PDE4D: variants seen among roughly 807,000 people sequenced by gnomAD.
The protein encoded by PDE4D is phosphodiesterase 4D.
A neutral mutation model predicts 87.4 loss-of-function variants in PDE4D; 24 were observed. The ratio of observed to expected loss-of-function variants is 0.27; its 90% CI spans 0.20 to 0.39. PDE4D has a LOEUF of 0.39. PDE4D is among the 10% of genes least tolerant of loss of function. The pLI is 1.00. For synonymous variants in PDE4D, 384 were observed against 383.2 expected, an observed-to-expected ratio of 1.00 and a Z score of -0.02; for missense variants, 714 against 1,041.0, an observed-to-expected ratio of 0.69 and a Z score of 4.32.
intron 1 of PDE4D, among the ~76,000 whole-genome samples, chr5:59,418,211 A>G (rs553899212): frequency 6.6e-6 from 1 of 152,244 alleles, no homozygotes; most frequent in East Asian, 1.9e-4. Context: ...AAAATCTTTA[A>G]TAGCTCACCT....
At chr5:59,156,331 A>ATATATATATATATATATATG (rs1384479557) in intron 5 of PDE4D, among the ~76,000 whole-genome samples, 7 of 122,762 alleles carry the variant, frequency 5.7e-5, no homozygotes, top group Admixed American at 1.7e-4. Flanking sequence ...ATATATATAT[A>ATATATATATATATATATATG]TGTGTGTGTG....
At chr5:60,413,780 T>C (rs918603398) in intron 1 of PDE4D, among the ~76,000 whole-genome samples, 3 of 151,130 alleles carry the variant, frequency 2.0e-5, no homozygotes, top group Middle Eastern at 3.4e-3. Context: ...TTGACTTACA[T>C]TGGGTTGTTT....
chr5:60,083,228 G>A (rs1228751816), intron 2 of PDE4D, among the ~76,000 whole-genome samples: 2 of 152,120 alleles, frequency 1.3e-5, no homozygotes, highest in Non-Finnish European at 2.9e-5. Context: ...ATGAACTCAG[G>A]ACCTTTTAGT....
intron 1 of PDE4D, among the ~76,000 whole-genome samples, chr5:59,226,287 T>C (rs1753766466): frequency 6.6e-6 from 1 of 152,188 alleles, no homozygotes; most frequent in African/African-American, 2.4e-5. Flanking sequence ...AAATGTGGTA[T>C]ATACATACAA....
chr5:60,317,454 AT>A, intron 1 of PDE4D, among the ~76,000 whole-genome samples: 1 of 152,090 alleles, frequency 6.6e-6, no homozygotes, highest in Middle Eastern at 3.4e-3. Context: ...GGATTCATTG[AT>A]TTTTTGAAGG....
intron 1 of PDE4D, among the ~76,000 whole-genome samples, chr5:60,321,777 C>T (rs375442389): frequency 1.3e-5 from 2 of 152,126 alleles, no homozygotes; most frequent in East Asian, 1.9e-4. Flanking sequence ...ACACAACCAA[C>T]AAATATGTAA....
At chr5:59,681,065 T>A (rs968125634) in intron 1 of PDE4D, among the ~76,000 whole-genome samples, 5 of 152,110 alleles carry the variant, frequency 3.3e-5, no homozygotes, top group African/African-American at 1.2e-4. Context: ...TCTCCAAATT[T>A]TGATTTCTAA....
intron 1 of PDE4D, among the ~76,000 whole-genome samples, chr5:59,700,407 A>G (rs1258595491): frequency 6.6e-6 from 1 of 152,212 alleles, no homozygotes; most frequent in Non-Finnish European, 1.5e-5. Flanking sequence ...CTTTTATTAC[A>G]ATCAAAATGG....
chr5:60,412,066 T>C (rs1342450391), intron 1 of PDE4D, among the ~76,000 whole-genome samples: 2 of 152,214 alleles, frequency 1.3e-5, no homozygotes, highest in African/African-American at 4.8e-5. Context: ...GTGAAGGAGC[T>C]GTTGGCTTGT....
chr5:59,956,964 T>C (rs1461056710), intron 3 of PDE4D, among the ~76,000 whole-genome samples: 3 of 152,168 alleles, frequency 2.0e-5, no homozygotes, highest in African/African-American at 7.2e-5. Context: ...GCAATAACAT[T>C]TACATAACAT....
intron 1 of PDE4D, among the ~76,000 whole-genome samples, chr5:59,294,546 C>G (rs1768683345): frequency 6.6e-6 from 1 of 152,120 alleles, no homozygotes; most frequent in African/African-American, 2.4e-5. Flanking sequence ...GTATAAGTCC[C>G]AACCTGGCCC....
intron 1 of PDE4D, among the ~76,000 whole-genome samples, chr5:59,364,986 T>C (rs1158012710): frequency 6.6e-6 from 1 of 152,092 alleles, no homozygotes; most frequent in Non-Finnish European, 1.5e-5. Flanking sequence ...GTGAAAACAA[T>C]TCATGCCCAA....
rs557562760 is a variant in PDE4D, at chr5:60,184,730, C to T, written c.42+827G>A. Among the ~76,000 whole-genome samples, 26 of 152,312 alleles carry T rather than the reference C, an allele frequency of 1.7e-4. No homozygotes were observed. The South Asian group carries it at 5.0e-3, about 29-fold the overall frequency. On this transcript the variant is annotated intron_variant, in intron 2 of 16. Coordinates refer to the PDE4D transcript ENST00000502484. ...GCCTTGGGCCACCACAATAGAATCACTGGTTATAACACAAAGTGTTCCCAT... is the reference window on the plus strand; with the variant it reads ...GCCTTGGGCCACCACAATAGAATCATTGGTTATAACACAAAGTGTTCCCAT...
chr5:59,252,699 TA>T (rs1561815954), intron 1 of PDE4D, among the ~76,000 whole-genome samples: 1 of 152,010 alleles, frequency 6.6e-6, no homozygotes, highest in Non-Finnish European at 1.5e-5. Context: ...TTTTTAAAAA[TA>T]TTTTTTTGTA....
chr5:60,141,781 G>A (rs1456558901), intron 2 of PDE4D, among the ~76,000 whole-genome samples: 2 of 152,106 alleles, frequency 1.3e-5, no homozygotes, highest in Non-Finnish European at 2.9e-5. Context: ...CTGATAAGCT[G>A]AAACAATATA....
intron 1 of PDE4D, among the ~76,000 whole-genome samples, chr5:60,202,053 A>G (rs1741978865): frequency 6.6e-6 from 1 of 152,268 alleles, no homozygotes; most frequent in Non-Finnish European, 1.5e-5. Flanking sequence ...GAAATACTCA[A>G]AGAAAATATA....
At chr5:59,594,938 G>T (rs375135279) in intron 1 of PDE4D, among the ~76,000 whole-genome samples, 5 of 151,906 alleles carry the variant, frequency 3.3e-5, no homozygotes, top group Non-Finnish European at 7.4e-5. Context: ...CCACTTTTGT[G>T]GGGGGGATAT....
rs78999858 is a variant in PDE4D at position 59,508,473 on chromosome 5, C to T, written c.456-292505G>A. On this transcript the variant is annotated intron_variant, in intron 1 of 14. Coordinates refer to ENST00000340635, the MANE Select transcript of PDE4D (RefSeq NM_001104631.2). The stretch of plus-strand genomic sequence containing the variant: ...CTTAAATTATAAGCAAATCCTCTTT[C>T]GAAAAATACACTTTCAACACAGATA... Among the ~76,000 whole-genome samples the T allele has an allele frequency of 1.5e-3, 230 of 151,918 alleles. 1 individual carries two copies. The highest frequency in any genetic ancestry group is 5.2e-3 in the African/African-American group (217 of 41,470).
intron 6 of PDE4D, among the ~76,000 whole-genome samples, chr5:59,007,837 T>C (rs1751943903): frequency 6.6e-6 from 1 of 152,084 alleles, no homozygotes; most frequent in Non-Finnish European, 1.5e-5. Flanking sequence ...TTTTAATTTT[T>C]TTTTAACAAA....
Sources: allele counts gnomAD v4.1 joint callset (sites outside exome capture counted in the v4.1 genomes callset), GRCh38; gene constraint gnomAD v4.1.1; transcripts MANE v1.5; gene names NCBI Gene and HGNC (gene_info 2026-07-23, HGNC 2026-07-21).